DISP1: variants seen among roughly 807,000 people sequenced by gnomAD.
DISP1 encodes dispatched RND transporter family member 1, also known as protein dispatched homolog 1.
Under a neutral mutation model 37.3 loss-of-function variants are expected in DISP1, and 30 were observed. The observed-to-expected ratio is 0.80, with a 90% confidence interval of 0.60 to 1.09. The LOEUF (loss-of-function observed/expected upper bound fraction) is 1.09. Ranked by LOEUF, DISP1 falls within the 50% of genes least tolerant of loss-of-function variation. The pLI is 0.00. For missense variants in DISP1, 1,598 were observed against 1,879.5 expected, an observed-to-expected ratio of 0.85 and a Z score of 2.77; for synonymous variants, 634 against 690.2, an observed-to-expected ratio of 0.92 and a Z score of 1.28.
intron 1 of DISP1, among the ~76,000 whole-genome samples, chr1:222,832,022 G>T (rs1572234621): frequency 6.6e-6 from 1 of 152,104 alleles, no homozygotes; most frequent in South Asian, 2.1e-4. Flanking sequence ...GGTCATGCCT[G>T]TAATCCTAGC....
At chr1:222,892,049 A>G (rs1358769280) in intron 1 of DISP1, among the ~76,000 whole-genome samples, 1 of 152,162 alleles carries the variant, frequency 6.6e-6, no homozygotes, top group East Asian at 1.9e-4. Context: ...GATACGTAAG[A>G]GAAGTGTTCC....
chr1:222,965,067 A>G (rs959328956), intron 3 of DISP1, among the ~76,000 whole-genome samples: 7 of 152,028 alleles, frequency 4.6e-5, no homozygotes. Flanking sequence ...TTACTCTCTT[A>G]ACACCCATAC....
intron 1 of DISP1, among the ~76,000 whole-genome samples, chr1:222,925,804 G>A (rs374913559): frequency 5.3e-4 from 81 of 152,070 alleles, no homozygotes; most frequent in Non-Finnish European, 8.8e-4. Context: ...GAATTCTGGG[G>A]GATGGGACTC....
chr1:222,894,734 C>T (rs1029644834), intron 1 of DISP1, among the ~76,000 whole-genome samples: 2 of 152,238 alleles, frequency 1.3e-5, no homozygotes, highest in African/African-American at 4.8e-5. Flanking sequence ...CCCACCTGTT[C>T]CCGCTCCCGC....
In DISP1 at chr1:222,914,449, C is replaced by A. The variant is rs141553856; in HGVS notation, c.-158-13981C>A. 4.6e-5 allele frequency among the ~76,000 whole-genome samples: 7 copies of A among 152,218 alleles called. No individual in the cohort carries two copies. In the East Asian group the frequency reaches 1.4e-3, roughly 29 times the overall value. On this transcript the variant is annotated intron_variant, in intron 1 of 8. Transcript: ENST00000675850. ...TCTTTAGAAACAAGATGATGTGTTA[C>A]CAGGACCTTACCTCCTTTTTCATTC...
chr1:223,002,384 G>T lies in DISP1; in HGVS notation c.988-1G>T. 6.2e-7 allele frequency: 1 copy of T among 1,613,778 alleles called. No homozygotes were observed. Among genetic ancestry groups the T allele is most frequent in the South Asian group, 1.1e-5 (1 of 91,062 alleles). On this transcript the variant is annotated splice_acceptor_variant, in intron 8 of 8. Coordinates refer to ENST00000675850, the MANE Select transcript of DISP1 (RefSeq NM_001377229.1). LOFTEE classifies it high-confidence loss of function. ...CCTTCTGCTTGTCTCTATCTCTGCA[G>T]ATCAGATCTCATCCCCAGTTTGGTG...
At position 222,943,118 on chromosome 1, in the gene DISP1, G is replaced by C; in HGVS notation, c.295G>C (p.Glu99Gln). The part of the protein sequence containing the change: ...HPLTSHSSHQ[E>Q]CHPEAGPAAP... ...TTTGACTAGCCATAGCAGTCACCAA[G>C]AGTGCCATCCCGAGGCTGGCCCTGC... Residue 99 changes from glutamate to glutamine, a missense_variant, in exon 3 of 9, where the codon GAG becomes CAG. Glu to Gln is a conservative substitution (Grantham distance 29). Coordinates refer to ENST00000675850, the MANE Select transcript of DISP1 (RefSeq NM_001377229.1). The C allele has an allele frequency of 1.9e-6, 3 of 1,613,962 alleles. No homozygotes were observed. The highest frequency in any genetic ancestry group is 2.5e-6 in the Non-Finnish European group (3 of 1,179,866).
chr1:222,945,528 C>A (rs919672958), intron 3 of DISP1, among the ~76,000 whole-genome samples: 2 of 152,194 alleles, frequency 1.3e-5, no homozygotes, highest in African/African-American at 4.8e-5. Flanking sequence ...ATAACCAATT[C>A]TTTCAGTATG....
chr1:222,929,391 G>T (rs1469655575), intron 2 of DISP1, among the ~76,000 whole-genome samples: 1 of 152,002 alleles, frequency 6.6e-6, no homozygotes, highest in South Asian at 2.1e-4. Flanking sequence ...ATTAAACAGA[G>T]AAATTTAGTG....
intron 3 of DISP1, among the ~76,000 whole-genome samples, chr1:222,964,516 G>A (rs763201006): frequency 1.1e-4 from 16 of 151,998 alleles, no homozygotes; most frequent in South Asian, 6.2e-4. Context: ...TGCTTACTAC[G>A]TAGCAGGTGC....
In DISP1 at chr1:223,004,225, T is replaced by C; in HGVS notation, c.2828T>C (p.Phe943Ser). 1 of 1,614,082 alleles carries C rather than the reference T, an allele frequency of 6.2e-7. No homozygotes were observed. Among genetic ancestry groups the C allele is most frequent in the Non-Finnish European group, 8.5e-7 (1 of 1,179,998 alleles). The change falls in exon 9 of 9, where the codon TTT becomes TCT. Residue 943 changes from phenylalanine to serine, a missense_variant. Coordinates refer to ENST00000675850, the MANE Select transcript of DISP1 (RefSeq NM_001377229.1). This position sits in a 1 kb window ranked among gnomAD's most constrained non-coding sequence, Gnocchi z 4.9. ...FTLAYEKMHQ[F>S]YKEVDSWISS... ...CTGGCTTATGAAAAGATGCATCAGTTTTATAAAGAGGTGGACTCGTGGATA... is the reference window on the plus strand; with the variant it reads ...CTGGCTTATGAAAAGATGCATCAGTCTTATAAAGAGGTGGACTCGTGGATA...
rs1430626358 is a variant in DISP1 at position 222,885,523 on chromosome 1, CA to C, written c.-158-42906del. Among the ~76,000 whole-genome samples the C allele has an allele frequency of 4.0e-5, 6 of 149,230 alleles. No homozygotes were observed. The East Asian group carries it at 9.9e-4, about 25-fold the overall frequency. On this transcript the variant is annotated intron_variant, in intron 1 of 8. Coordinates refer to ENST00000675850, the MANE Select transcript of DISP1 (RefSeq NM_001377229.1). Reference sequence around the variant, plus strand: ...TCGCTCTGTCACCCAGGCTAGGGTGCAGTGGTGCAATCACAGCTGATTGCAG... The same window carrying C: ...TCGCTCTGTCACCCAGGCTAGGGTGCGTGGTGCAATCACAGCTGATTGCAG...
intron 1 of DISP1, among the ~76,000 whole-genome samples, chr1:222,829,043 C>A (rs951729073): frequency 1.3e-5 from 2 of 151,982 alleles, no homozygotes; most frequent in African/African-American, 4.8e-5. Flanking sequence ...CATTTAGAGT[C>A]ATAAGAAATA....
chr1:222,899,762 C>G (rs1296150228), intron 1 of DISP1: 1 of 151,114 alleles, frequency 6.6e-6, no homozygotes, highest in Non-Finnish European at 1.5e-5. Context: ...GCAAATTTTT[C>G]TTTTTTTTTG....
intron 1 of DISP1, among the ~76,000 whole-genome samples, chr1:222,817,436 A>G (rs781224975): frequency 6.6e-6 from 1 of 152,202 alleles, no homozygotes; most frequent in Non-Finnish European, 1.5e-5. Flanking sequence ...CGTTGCTTCT[A>G]TGCCCTTTGG....
chr1:222,858,728 A>G (rs36122760), intron 1 of DISP1, among the ~76,000 whole-genome samples: 30,001 of 152,172 alleles, frequency 0.2, 3,557 homozygotes, highest in Non-Finnish European at 0.26. Context: ...ACTTTTTAAA[A>G]AAAAGCTTAA....
intron 3 of DISP1, among the ~76,000 whole-genome samples, chr1:222,961,625 A>G (rs1676062794): frequency 1.3e-5 from 2 of 152,232 alleles, no homozygotes; most frequent in Admixed American, 1.3e-4. Flanking sequence ...CAGGACAAGC[A>G]GGCAAGAGAA....
intron 2 of DISP1, among the ~76,000 whole-genome samples, chr1:222,939,581 C>G (rs1290872793): frequency 6.6e-6 from 1 of 151,552 alleles, no homozygotes; most frequent in East Asian, 1.9e-4. Flanking sequence ...CTAATCCCAG[C>G]ACTTTGGGAG....
intron 1 of DISP1, among the ~76,000 whole-genome samples, chr1:222,869,999 C>T (rs1377434706): frequency 6.6e-6 from 1 of 151,414 alleles, no homozygotes; most frequent in Non-Finnish European, 1.5e-5. Flanking sequence ...TCCATGTGTT[C>T]TCATTGTTCA....
Sources: allele counts gnomAD v4.1 joint callset (sites outside exome capture counted in the v4.1 genomes callset), GRCh38; gene constraint gnomAD v4.1.1; non-coding constraint Gnocchi (gnomAD v3.1); transcripts MANE v1.5; gene names NCBI Gene and HGNC (gene_info 2026-07-23, HGNC 2026-07-21).